PLXNA4: variants seen among roughly 807,000 people sequenced by gnomAD.
The protein encoded by PLXNA4 is plexin A4.
A neutral mutation model predicts 191.8 loss-of-function variants in PLXNA4; 44 were observed. The ratio of observed to expected loss-of-function variants is 0.23; its 90% CI spans 0.18 to 0.29. PLXNA4 has a LOEUF of 0.29. Ranked by LOEUF, PLXNA4 falls within the 10% of genes least tolerant of loss-of-function variation. The probability of loss-of-function intolerance (pLI) is 1.00; values close to 1 mark genes in which losing one functional copy is unlikely to be tolerated. For synonymous variants in PLXNA4, 1,082 were observed against 1,009.5 expected (o/e 1.07, Z -1.36); for missense variants, 1,800 against 2,488.8 (o/e 0.72, Z 5.89).
chr7:132,588,653 AGG>A (rs1802546296), intron 2 of PLXNA4, among the ~76,000 whole-genome samples: 1 of 100,268 alleles, frequency 1.0e-5, no homozygotes, highest in African/African-American at 3.8e-5. Flanking sequence ...AGGGAAGGGA[AGG>A]GAAGGGAAGG....
intron 2 of PLXNA4, among the ~76,000 whole-genome samples, chr7:132,593,324 C>T (rs184272907): frequency 0.011 from 1,685 of 152,170 alleles, 39 homozygotes; most frequent in African/African-American, 0.039. Flanking sequence ...AAAAAAAAAT[C>T]CACATAATGG....
At chr7:132,493,205 C>G (rs1001070047) in intron 2 of PLXNA4, among the ~76,000 whole-genome samples, 1 of 152,130 alleles carries the variant, frequency 6.6e-6, no homozygotes, top group African/African-American at 2.4e-5. Context: ...CTGAGCCTTC[C>G]CCTGGGCCCC....
chr7:132,168,687 G>C (rs1037274811), intron 21 of PLXNA4, 115 bp from the exon 22 acceptor site: 3 of 1,392,234 alleles, frequency 2.2e-6, no homozygotes, highest in Non-Finnish European at 2.8e-6. Context: ...TTAAGCCACA[G>C]TCCACCTGGC....
At chr7:132,531,006 T>C (rs2116435457) in intron 1 of PLXNA4, among the ~76,000 whole-genome samples, 1 of 152,324 alleles carries the variant, frequency 6.6e-6, no homozygotes, top group East Asian at 1.9e-4. Context: ...AATCTACTTA[T>C]CTGAATCTCA....
intron 3 of PLXNA4, among the ~76,000 whole-genome samples, chr7:132,371,644 A>G (rs186994499): frequency 3.9e-5 from 6 of 152,288 alleles, no homozygotes; most frequent in Admixed American, 3.9e-4. Context: ...GGGAGCCTTA[A>G]ACTCGAGTGG....
chr7:132,446,167 G>T (rs764209512), intron 3 of PLXNA4, among the ~76,000 whole-genome samples: 1 of 152,204 alleles, frequency 6.6e-6, no homozygotes, highest in East Asian at 1.9e-4. Flanking sequence ...ACCCTTTACC[G>T]TTGTTGATGG....
intron 2 of PLXNA4, among the ~76,000 whole-genome samples, chr7:132,613,338 T>A (rs1050743589): frequency 6.6e-6 from 1 of 152,168 alleles, no homozygotes; most frequent in Non-Finnish European, 1.5e-5. Flanking sequence ...TGACCATGAA[T>A]CTGAATAAAG....
chr7:132,397,862 G>T (rs998121693), intron 3 of PLXNA4, among the ~76,000 whole-genome samples: 2 of 152,226 alleles, frequency 1.3e-5, no homozygotes, highest in Non-Finnish European at 2.9e-5. Flanking sequence ...AGGGGAGAAA[G>T]GTGATATACC....
At chr7:132,437,952 G>A (rs145834810) in intron 3 of PLXNA4, among the ~76,000 whole-genome samples, 138 of 152,316 alleles carry the variant, frequency 9.1e-4, no homozygotes, top group African/African-American at 3.1e-3. Flanking sequence ...CCAAGATTAC[G>A]CCCATGGGTT....
At chr7:132,246,771 C>CATCATA (rs1369754754) in intron 4 of PLXNA4, among the ~76,000 whole-genome samples, 3 of 23,850 alleles carry the variant, frequency 1.3e-4, no homozygotes, top group East Asian at 1.4e-3. Flanking sequence ...TACATGCAAT[C>CATCATA]ATCATCATCA....
intron 20 of PLXNA4, 147 bp from the exon 21 acceptor site, chr7:132,175,067 T>TTACATA: frequency 7.6e-7 from 1 of 1,314,928 alleles, no homozygotes. Context: ...GAGGCTATGT[T>TTACATA]TACATAGCTG....
intron 25 of PLXNA4, among the ~76,000 whole-genome samples, chr7:132,151,580 G>GAGGAGGAGGAGAAAGGAGGAGGAGGAGAA (rs769895968): frequency 1.2e-4 from 8 of 64,774 alleles, no homozygotes; most frequent in Non-Finnish European, 2.3e-4. Context: ...GAGGAGAAAG[G>GAGGAGGAGGAGAAAGGAGGAGGAGGAGAA]AGGAGGAGAA....
In PLXNA4 at chr7:132,314,548, G is replaced by T. The variant is rs986147205; in HGVS notation, c.1372-16326C>A. 2.0e-5 allele frequency among the ~76,000 whole-genome samples: 3 copies of T among 152,206 alleles called. No individual in the cohort carries two copies. In the East Asian group the frequency reaches 5.8e-4, roughly 29 times the overall value. ...AGTCTGGAAAGGGAGGCCACGGGAA[G>T]TAGGGAAGGGAGGAAGAGGAAGGAA... On this transcript the variant is annotated intron_variant, in intron 3 of 31. Transcript: ENST00000321063.
chr7:132,582,454 G>T lies in PLXNA4; in HGVS notation c.-87+63474C>A, dbSNP rs150148322. Among the ~76,000 whole-genome samples the T allele has an allele frequency of 2.0e-4, 31 of 152,304 alleles. No individual in the cohort carries two copies. In the East Asian group the frequency reaches 4.8e-3, roughly 24 times the overall value. On this transcript the variant is annotated intron_variant, in intron 2 of 4. Coordinates refer to the PLXNA4 transcript ENST00000378539. ...ATGCCCTCATACAGTCTGCTCCCAT[G>T]CTGAATCAGAGCTGACTTAAGTGAC... is the stretch of plus-strand genomic sequence containing the variant.
At chr7:132,385,082 G>A (rs1019068494) in intron 3 of PLXNA4, 1 of 1,542,458 alleles carries the variant, frequency 6.5e-7, no homozygotes, top group Non-Finnish European at 8.8e-7. Context: ...GAGCTATGAT[G>A]TATGGCTGGG....
chr7:132,279,845 A>C (rs1563009046), intron 4 of PLXNA4, among the ~76,000 whole-genome samples: 1 of 152,204 alleles, frequency 6.6e-6, no homozygotes, highest in Non-Finnish European at 1.5e-5. Context: ...TGATGACATT[A>C]GCATGACTTG....
intron 1 of PLXNA4, among the ~76,000 whole-genome samples, chr7:132,544,476 C>T (rs1480993630): frequency 6.6e-6 from 1 of 152,196 alleles, no homozygotes; most frequent in East Asian, 1.9e-4. Flanking sequence ...GGTCCTGGAG[C>T]ATTGGATTAC....
At chr7:132,371,200 C>T (rs549032273) in intron 3 of PLXNA4, among the ~76,000 whole-genome samples, 5 of 152,212 alleles carry the variant, frequency 3.3e-5, no homozygotes, top group South Asian at 2.1e-4. Flanking sequence ...AATCATGAAC[C>T]AGGTTTTAAG....
At chr7:132,532,944 A>G (rs1799680383) in intron 1 of PLXNA4, among the ~76,000 whole-genome samples, 1 of 152,256 alleles carries the variant, frequency 6.6e-6, no homozygotes, top group Non-Finnish European at 1.5e-5. Flanking sequence ...CATAAAACAG[A>G]GATGACAGTA....
Sources: gnomAD v4.1 joint callset for allele counts (sites outside exome capture counted in the v4.1 genomes callset) on GRCh38, gnomAD v4.1.1 for gene constraint, MANE v1.5 for transcripts, NCBI Gene and HGNC (gene_info 2026-07-23, HGNC 2026-07-21) for gene names.